Variants in PDE7B observed in about 807,000 individuals in gnomAD.
The protein encoded by PDE7B is phosphodiesterase 7B.
In PDE7B, 29 loss-of-function variants were observed where a neutral mutation model predicts 56.2. The ratio of observed to expected loss-of-function variants is 0.52; its 90% CI spans 0.38 to 0.70. PDE7B has a LOEUF of 0.70. Ranked by LOEUF, PDE7B falls within the 30% of genes least tolerant of loss-of-function variation. The pLI is 0.00. For synonymous variants in PDE7B, 197 were observed against 196.9 expected (o/e 1.00, Z 0.00); for missense variants, 490 against 565.0 (o/e 0.87, Z 1.35).
intron 1 of PDE7B, among the ~76,000 whole-genome samples, chr6:135,875,667 G>C (rs1323561902): frequency 1.3e-5 from 2 of 152,108 alleles, no homozygotes; most frequent in Admixed American, 6.5e-5. Flanking sequence ...TTACTTTTCA[G>C]GTTCACATTC....
At chr6:136,009,784 G>T (rs1434259047) in intron 2 of PDE7B, among the ~76,000 whole-genome samples, 2 of 152,164 alleles carry the variant, frequency 1.3e-5, no homozygotes, top group Non-Finnish European at 2.9e-5. Flanking sequence ...TGCAAACAGG[G>T]ACAATTTGAC....
chr6:135,935,190 T>TTATATATATATATA lies in PDE7B; in HGVS notation c.22-12260_22-12247dup, dbSNP rs60829896. ...GAGAATTTTATATATATATATTTAT[T>TTATATATATATATA]TATATATATATATATATATATATAT... On this transcript the variant is annotated intron_variant, in intron 1 of 12. Coordinates refer to ENST00000308191, the MANE Select transcript of PDE7B (RefSeq NM_018945.4). 3.7e-3 allele frequency among the ~76,000 whole-genome samples: 133 copies of TTATATATATATATA among 36,178 alleles called. 4 individuals are homozygous for TTATATATATATATA. Among genetic ancestry groups the TTATATATATATATA allele is most frequent in the East Asian group, 9.4e-3 (7 of 748 alleles). 23.7% of individuals were successfully genotyped at this position (36,178 alleles called of 152,430 possible). A position where few individuals can be genotyped will look rare whatever the true frequency, so the allele number is the denominator to read the frequency against.
chr6:136,144,915 G>A (rs1778389279), intron 3 of PDE7B, among the ~76,000 whole-genome samples: 1 of 152,034 alleles, frequency 6.6e-6, no homozygotes, highest in South Asian at 2.1e-4. Context: ...GGTTACTTAG[G>A]GAAGATGATG....
chr6:136,056,853 GT>G (rs1410850602), intron 2 of PDE7B, among the ~76,000 whole-genome samples: 1 of 151,720 alleles, frequency 6.6e-6, no homozygotes, highest in East Asian at 1.9e-4. Context: ...TTTTATGTTT[GT>G]GGTTCTGGTT....
chr6:135,954,138 A>G (rs1774749025), intron 2 of PDE7B, among the ~76,000 whole-genome samples: 1 of 152,196 alleles, frequency 6.6e-6, no homozygotes, highest in Admixed American at 6.5e-5. Context: ...ACTAAAGGAC[A>G]TATTTTCTAT....
At chr6:135,989,617 AAAT>A (rs371037409) in intron 2 of PDE7B, among the ~76,000 whole-genome samples, 4 of 151,808 alleles carry the variant, frequency 2.6e-5, no homozygotes, top group East Asian at 1.9e-4. Context: ...TCTGTCTCCA[AAAT>A]AATAATAATA....
chr6:135,995,977 C>T (rs186114106), intron 2 of PDE7B, among the ~76,000 whole-genome samples: 1 of 152,212 alleles, frequency 6.6e-6, no homozygotes, highest in East Asian at 1.9e-4. Context: ...CACACATGCA[C>T]ACACACAGAG....
intron 1 of PDE7B, among the ~76,000 whole-genome samples, chr6:135,877,752 CAAA>C (rs75061563): frequency 9.0e-5 from 8 of 89,118 alleles, no homozygotes; most frequent in African/African-American, 1.5e-4. Context: ...CAAAACAAAA[CAAA>C]AAAAAAAAAA....
chr6:135,903,678 C>A (rs1371566652), intron 1 of PDE7B, among the ~76,000 whole-genome samples: 1 of 152,148 alleles, frequency 6.6e-6, no homozygotes, highest in Admixed American at 6.5e-5. Context: ...ATGAATAGCA[C>A]ACACATTAGA....
intron 2 of PDE7B, among the ~76,000 whole-genome samples, chr6:135,985,968 G>A (rs768680325): frequency 1.6e-4 from 24 of 152,086 alleles, no homozygotes; most frequent in Non-Finnish European, 2.4e-4. Context: ...CTCCCAGCCC[G>A]CTGCTAATAA....
chr6:136,083,685 T>C (rs1416793647), intron 2 of PDE7B, among the ~76,000 whole-genome samples: 2 of 152,180 alleles, frequency 1.3e-5, no homozygotes, highest in Admixed American at 6.5e-5. Context: ...ACTGGCCTTT[T>C]AGTATGAAGT....
At chr6:136,155,522 C>T (rs1428175260) in intron 7 of PDE7B, 105 bp from the exon 8 acceptor site, 8 of 957,868 alleles carry the variant, frequency 8.4e-6, no homozygotes, top group Admixed American at 2.1e-5. Flanking sequence ...GGCTGATAGG[C>T]TTAAACAATG....
intron 1 of PDE7B, among the ~76,000 whole-genome samples, chr6:135,856,577 T>C (rs116409011): frequency 0.011 from 1,741 of 152,280 alleles, 23 homozygotes; most frequent in African/African-American, 0.04. Context: ...TGCCCCTTAC[T>C]AGTGATGGGA....
At chr6:136,177,165 T>TA (rs900367355) in intron 9 of PDE7B, among the ~76,000 whole-genome samples, 1 of 151,894 alleles carries the variant, frequency 6.6e-6, no homozygotes, top group Admixed American at 6.6e-5. Context: ...TAAGCTACAT[T>TA]AAAAATTAAG....
chr6:136,104,481 G>A (rs996352311), intron 2 of PDE7B, among the ~76,000 whole-genome samples: 1 of 152,172 alleles, frequency 6.6e-6, no homozygotes, highest in Non-Finnish European at 1.5e-5. Flanking sequence ...TCAGAAAACA[G>A]CCCAGTAGCC....
rs756422444 is a variant in PDE7B, at chr6:136,155,845, G to T, written c.711+87G>T. 9.3e-5 allele frequency: 130 copies of T among 1,405,170 alleles called. 1 individual carries two copies. In the South Asian group the frequency reaches 9.8e-4, roughly 11 times the overall value. 87.0% of individuals were successfully genotyped at this position (1,405,170 alleles called of 1,614,324 possible). A position where few individuals can be genotyped will look rare whatever the true frequency, so the allele number is the denominator to read the frequency against. The stretch of plus-strand genomic sequence containing the variant: ...AGCCTGAATCTTGCCCATGGAGAAA[G>T]CCTTGTTTTAGGGTCCTAGAAGTTC... On this transcript the variant is annotated intron_variant, in intron 8 of 12. Transcript: ENST00000308191.
intron 2 of PDE7B, among the ~76,000 whole-genome samples, chr6:136,064,188 A>T (rs1292178781): frequency 2.6e-5 from 4 of 152,200 alleles, no homozygotes; most frequent in Non-Finnish European, 5.9e-5. Context: ...TTTCTCTGAG[A>T]GTGCAGCTGT....
At chr6:135,867,424 T>C (rs1031043293) in intron 1 of PDE7B, among the ~76,000 whole-genome samples, 1 of 151,952 alleles carries the variant, frequency 6.6e-6, no homozygotes, top group African/African-American at 2.4e-5. Flanking sequence ...GGTTTAAAAA[T>C]TTTTTTTAAC....
intron 1 of PDE7B, among the ~76,000 whole-genome samples, chr6:135,930,407 G>A (rs368918402): frequency 2.6e-5 from 4 of 152,126 alleles, no homozygotes; most frequent in East Asian, 3.9e-4. Context: ...TGTGGAGCAG[G>A]GATGTGACTG....
Sources: gnomAD v4.1 joint callset for allele counts (sites outside exome capture counted in the v4.1 genomes callset) on GRCh38, gnomAD v4.1.1 for gene constraint, MANE v1.5 for transcripts, NCBI Gene and HGNC (gene_info 2026-07-23, HGNC 2026-07-21) for gene names.